Variants in DNAH9 observed in about 807,000 individuals in gnomAD.
DNAH9 encodes the protein DNAH9 variant protein.
DNAH9 carries 345 observed loss-of-function variants against 471.6 expected under a neutral mutation model. The ratio of observed to expected loss-of-function variants is 0.73; its 90% CI spans 0.67 to 0.80. DNAH9 has a LOEUF of 0.80. Ranked by LOEUF, DNAH9 falls within the 30% of genes least tolerant of loss-of-function variation. DNAH9 has a pLI of 0.00. For synonymous variants in DNAH9, 2,093 were observed against 2,123.6 expected, an observed-to-expected ratio of 0.99 and a Z score of 0.40; for missense variants, 5,407 against 5,609.2, an observed-to-expected ratio of 0.96 and a Z score of 1.15.
chr17:11,949,812 C>G (rs1029575688), intron 67 of DNAH9, among the ~76,000 whole-genome samples: 3 of 152,148 alleles, frequency 2.0e-5, no homozygotes, highest in African/African-American at 4.8e-5. Context: ...TCCTAAATGA[C>G]TCCTGGTTCT....
At chr17:11,816,050 A>C (rs1970084472) in intron 45 of DNAH9, among the ~76,000 whole-genome samples, 1 of 152,160 alleles carries the variant, frequency 6.6e-6, no homozygotes, top group South Asian at 2.1e-4. Context: ...CCACAGTAGA[A>C]GACTTACCTT....
At chr17:11,707,810 A>G (rs575291723) in intron 26 of DNAH9, among the ~76,000 whole-genome samples, 1 of 151,890 alleles carries the variant, frequency 6.6e-6, no homozygotes, top group Non-Finnish European at 1.5e-5. Context: ...AGTTCATTCC[A>G]CCTCAGCACC....
chr17:11,622,376 C>G (rs1404634654), intron 6 of DNAH9, among the ~76,000 whole-genome samples: 1 of 152,134 alleles, frequency 6.6e-6, no homozygotes, highest in Non-Finnish European at 1.5e-5. Context: ...CTTTTTCCCT[C>G]AGCCGTTTCC....
intron 14 of DNAH9, among the ~76,000 whole-genome samples, chr17:11,656,547 T>C (rs2150709577): frequency 6.6e-6 from 1 of 152,310 alleles, no homozygotes; most frequent in South Asian, 2.1e-4. Flanking sequence ...TTTGACTAAC[T>C]CATCCCACTG....
intron 61 of DNAH9, among the ~76,000 whole-genome samples, chr17:11,909,937 A>G (rs1303361371): frequency 6.6e-6 from 1 of 152,178 alleles, no homozygotes; most frequent in Non-Finnish European, 1.5e-5. Flanking sequence ...CTAGTCAGCC[A>G]TCATTTACTT....
chr17:11,854,832 A>G, intron 50 of DNAH9, among the ~76,000 whole-genome samples: 1 of 152,156 alleles, frequency 6.6e-6, no homozygotes, highest in African/African-American at 2.4e-5. Flanking sequence ...TGTGTCAGCT[A>G]TCTGCATTGT....
In DNAH9 at chr17:11,937,768, G is replaced by C. The variant is rs1003971943; in HGVS notation, c.12660+246G>C. On this transcript the variant is annotated intron_variant, in intron 66 of 68. Coordinates refer to ENST00000262442, the MANE Select transcript of DNAH9 (RefSeq NM_001372.4). The surrounding 1 kb of genome is among the most constrained non-coding windows in gnomAD (Gnocchi z 4.1). ...TTGGGTTCAGCAGTTTTCTTTGCCAGTCCACCCAAAGTCCATTTTTATTCA... is the reference window on the plus strand; with the variant it reads ...TTGGGTTCAGCAGTTTTCTTTGCCACTCCACCCAAAGTCCATTTTTATTCA... Among the ~76,000 whole-genome samples, 5 of 152,176 alleles carry C rather than the reference G, an allele frequency of 3.3e-5. No homozygotes were observed. The South Asian group carries it at 1.0e-3, about 32-fold the overall frequency.
intron 41 of DNAH9, among the ~76,000 whole-genome samples, chr17:11,787,220 CAG>C (rs1968905826): frequency 6.6e-6 from 1 of 152,162 alleles, no homozygotes; most frequent in Non-Finnish European, 1.5e-5. Flanking sequence ...GTACAGAAAA[CAG>C]AAGTGAGACA....
In DNAH9 at chr17:11,690,210, G is replaced by C; in HGVS notation, c.4388G>C (p.Cys1463Ser). ...CCACGGACCAATGTCCCCCTCCTGT[G>C]CTCTGATGAGGACCTCATAGAGGTT... The part of the protein sequence containing the change: ...PHPRTNVPLL[C>S]SDEDLIEVLE... The change falls in exon 20 of 69, where the codon TGC becomes TCC. Residue 1463 changes from cysteine (C) to serine (S), a missense_variant. Coordinates refer to ENST00000262442, the MANE Select transcript of DNAH9 (RefSeq NM_001372.4). 1 of 1,614,222 alleles carries C rather than the reference G, an allele frequency of 6.2e-7. No homozygotes were observed. The highest frequency in any genetic ancestry group is 8.5e-7 in the Non-Finnish European group (1 of 1,180,022).
intron 14 of DNAH9, among the ~76,000 whole-genome samples, chr17:11,654,149 A>G (rs2073575374): frequency 1.5e-5 from 1 of 68,568 alleles, no homozygotes; most frequent in African/African-American, 5.1e-5. Flanking sequence ...AGGTCAGGAG[A>G]TCGAGACCAT....
At chr17:11,854,841 G>C (rs1971566165) in intron 50 of DNAH9, among the ~76,000 whole-genome samples, 1 of 152,162 alleles carries the variant, frequency 6.6e-6, no homozygotes, top group Non-Finnish European at 1.5e-5. Flanking sequence ...TATCTGCATT[G>C]TTTTGTGGAA....
At chr17:11,708,004 CACACACACACAGAGAGAG>C (rs2074747712) in intron 26 of DNAH9, among the ~76,000 whole-genome samples, 21 of 49,068 alleles carry the variant, frequency 4.3e-4, no homozygotes, top group African/African-American at 9.2e-4. Flanking sequence ...CACACACACA[CACACACACACAGAGAGAG>C]AGAGAGAGAG....
At chr17:11,851,883 A>G (rs945794462) in intron 49 of DNAH9, among the ~76,000 whole-genome samples, 3 of 152,254 alleles carry the variant, frequency 2.0e-5, no homozygotes, top group Admixed American at 2.0e-4. Context: ...ACGTGGAAAC[A>G]TCGACCGTGA....
rs2072555435 is a variant in DNAH9 at position 11,608,387 on chromosome 17, T to C, written c.614+62T>C. The C allele has an allele frequency of 1.1e-5, 14 of 1,309,724 alleles. No individual in the cohort carries two copies. In the South Asian group the frequency reaches 1.8e-4, roughly 17 times the overall value. 81.1% of individuals were successfully genotyped at this position (1,309,724 alleles called of 1,614,324 possible). A position where few individuals can be genotyped will look rare whatever the true frequency, so the allele number is the denominator to read the frequency against. On this transcript the variant is annotated intron_variant, in intron 2 of 68. Coordinates refer to ENST00000262442, the MANE Select transcript of DNAH9 (RefSeq NM_001372.4). ...ATATGGGAGATGCTGGTTATCAGAA[T>C]GTTTTCCTTACAACTTTTCTGTTCC...
Position 11,954,769 on chromosome 17 carries a change from T to TAA in DNAH9, c.12844-7080_12844-7079dup, listed in dbSNP as rs34740871. Among the ~76,000 whole-genome samples the TAA allele has an allele frequency of 6.0e-3, 709 of 118,644 alleles. 6 individuals are homozygous for TAA. Among genetic ancestry groups the TAA allele is most frequent in the African/African-American group, 0.02 (660 of 33,022 alleles). 77.8% of individuals were successfully genotyped at this position (118,644 alleles called of 152,430 possible). On this transcript the variant is annotated intron_variant, in intron 67 of 68. Coordinates refer to ENST00000262442, the MANE Select transcript of DNAH9 (RefSeq NM_001372.4). ...TGGGCAACACGGCAAGACTTCGTCTTAAAAAAAAAAAAAAAAAAAGAGAGA... is the reference window on the plus strand; with the variant it reads ...TGGGCAACACGGCAAGACTTCGTCTTAAAAAAAAAAAAAAAAAAAAAGAGAGA...
At chr17:11,605,258 C>T (rs1408159235) in intron 1 of DNAH9, among the ~76,000 whole-genome samples, 1 of 152,092 alleles carries the variant, frequency 6.6e-6, no homozygotes, top group African/African-American at 2.4e-5. Flanking sequence ...AATTGCAGCC[C>T]CTCCACCCCA....
At chr17:11,610,981 C>T (rs989893538) in intron 3 of DNAH9, among the ~76,000 whole-genome samples, 12 of 152,200 alleles carry the variant, frequency 7.9e-5, no homozygotes, top group African/African-American at 2.4e-4. Context: ...TCCTGTGTTC[C>T]GGCTCATCAC....
chr17:11,699,433 C>T (rs1005064864), intron 22 of DNAH9, among the ~76,000 whole-genome samples: 1 of 152,144 alleles, frequency 6.6e-6, no homozygotes, highest in Non-Finnish European at 1.5e-5. Context: ...TATTTTTCTC[C>T]AATCTAGTCC....
chr17:11,808,093 T>C (rs1243559333), intron 44 of DNAH9, among the ~76,000 whole-genome samples, 199 bp downstream of exon 44: 2 of 152,218 alleles, frequency 1.3e-5, no homozygotes, highest in Non-Finnish European at 2.9e-5. Flanking sequence ...ATTTCCAAAG[T>C]CTGCCTTTGG....
Sources: allele counts gnomAD v4.1 joint callset (sites outside exome capture counted in the v4.1 genomes callset), GRCh38; gene constraint gnomAD v4.1.1; non-coding constraint Gnocchi (gnomAD v3.1); transcripts MANE v1.5; gene names NCBI Gene and HGNC (gene_info 2026-07-23, HGNC 2026-07-21).